The following SYT16 variants were observed in gnomAD, a reference collection of about 807,000 sequenced individuals.
SYT16 encodes synaptotagmin 16.
Under a neutral mutation model 61.4 loss-of-function variants are expected in SYT16, and 42 were observed. The ratio of observed to expected loss-of-function variants is 0.68; its 90% CI spans 0.53 to 0.89. The LOEUF is 0.89. SYT16 is among the 40% of genes least tolerant of loss of function. The probability of loss-of-function intolerance (pLI) is 0.00; values close to 1 mark genes in which losing one functional copy is unlikely to be tolerated. For missense variants in SYT16, 804 were observed against 807.3 expected (o/e 1.00, Z 0.05); for synonymous variants, 314 against 302.3 (o/e 1.04, Z -0.40).
chr14:61,910,808 C>T (rs143238947), intron 1 of SYT16, among the ~76,000 whole-genome samples: 1,748 of 152,266 alleles, frequency 0.011, 43 homozygotes, highest in African/African-American at 0.039. Flanking sequence ...GGATTACAGG[C>T]GTGAGCCACC....
At chr14:61,815,599 G>A (rs1485322443) in intron 1 of SYT16, among the ~76,000 whole-genome samples, 1 of 152,136 alleles carries the variant, frequency 6.6e-6, no homozygotes, top group Non-Finnish European at 1.5e-5. Context: ...AAAGAACATA[G>A]CCAATAGAAA....
chr14:61,900,550 G>A (rs981774334), intron 1 of SYT16, among the ~76,000 whole-genome samples: 1 of 152,178 alleles, frequency 6.6e-6, no homozygotes, highest in Non-Finnish European at 1.5e-5. Context: ...ATCTTTGGTG[G>A]TTTGTAACAG....
rs752147389 is a variant in SYT16 at position 61,958,458 on chromosome 14, G to A, written c.-324-11674G>A. ...GCTTTCCTGAGTCACATATGATTTCGTATGTTGTATTTTTTGTGTCTTGAT... is the reference window on the plus strand; with the variant it reads ...GCTTTCCTGAGTCACATATGATTTCATATGTTGTATTTTTTGTGTCTTGAT... On this transcript the variant is annotated intron_variant, in intron 1 of 7. Transcript: ENST00000683842. 7.9e-5 allele frequency among the ~76,000 whole-genome samples: 12 copies of A among 151,566 alleles called. No homozygotes were observed. In the South Asian group the frequency reaches 8.3e-4, roughly 11 times the overall value.
intron 1 of SYT16, among the ~76,000 whole-genome samples, chr14:61,873,593 T>A (rs1033623524): frequency 2.6e-5 from 4 of 152,338 alleles, no homozygotes; most frequent in East Asian, 1.9e-4. Context: ...GATGCATTTT[T>A]AAAAAATCAT....
In SYT16 at chr14:61,823,067, A is replaced by G. The variant is rs149724458; in HGVS notation, c.-325+10257A>G. Among the ~76,000 whole-genome samples the G allele has an allele frequency of 9.7e-3, 1,470 of 152,228 alleles. 28 individuals are homozygous for G. The highest frequency in any genetic ancestry group is 0.033 in the African/African-American group (1,380 of 41,526). On this transcript the variant is annotated intron_variant, in intron 1 of 7. Coordinates refer to ENST00000683842, the MANE Select transcript of SYT16 (RefSeq NM_001367656.1). ...GAGTGCAGTAGCACGATCTCAGCTC[A>G]CTGCAACCTCTGCCTCCTGGGTTCA...
chr14:62,069,772 G>T lies in SYT16; in HGVS notation c.693G>T (p.Leu231Phe), dbSNP rs1371780886. 1 of 1,613,904 alleles carries T rather than the reference G, an allele frequency of 6.2e-7. No individual in the cohort carries two copies. Among genetic ancestry groups the T allele is most frequent in the Non-Finnish European group, 8.5e-7 (1 of 1,179,904 alleles). Residue 231 changes from leucine to phenylalanine, a missense_variant, in exon 4 of 8, where the codon TTG (leucine) becomes TTT (phenylalanine). Physicochemically the swap from Leu to Phe is conservative, Grantham distance 22. Coordinates refer to ENST00000683842, the MANE Select transcript of SYT16 (RefSeq NM_001367656.1). ...LEQKPKFSRS[L>F]LTHGEDGTEV... ...AGAAACCAAAATTCAGCCGTTCGTT[G>T]TTGACACACGGAGAAGATGGCACAG...
chr14:62,056,430 G>C (rs10147026), intron 3 of SYT16, among the ~76,000 whole-genome samples: 44,215 of 152,088 alleles, frequency 0.29, 9,582 homozygotes, highest in African/African-American at 0.62. Context: ...TAGCATTGTT[G>C]GTTATAAAAG....
chr14:62,051,615 C>T (rs1460926378), intron 3 of SYT16, among the ~76,000 whole-genome samples: 1 of 152,212 alleles, frequency 6.6e-6, no homozygotes, highest in African/African-American at 2.4e-5. Flanking sequence ...CTTGGCTCCA[C>T]CTCCCTGTAT....
chr14:62,100,031 T>G (rs375817442), intron 7 of SYT16, among the ~76,000 whole-genome samples: 1 of 152,176 alleles, frequency 6.6e-6, no homozygotes, highest in Admixed American at 6.5e-5. Context: ...GAGCAAAATG[T>G]GTATATTTAT....
intron 2 of SYT16, among the ~76,000 whole-genome samples, chr14:61,992,043 G>A (rs1188073192): frequency 2.0e-5 from 3 of 152,024 alleles, no homozygotes; most frequent in Non-Finnish European, 4.4e-5. Context: ...CAAAGTATAA[G>A]CACAGCCCTA....
intron 2 of SYT16, among the ~76,000 whole-genome samples, chr14:61,974,415 A>G (rs2051696323): frequency 6.6e-6 from 1 of 152,168 alleles, no homozygotes; most frequent in African/African-American, 2.4e-5. Flanking sequence ...TGCAGTCTTG[A>G]AATCCTTAGT....
chr14:61,860,504 G>GT (rs368561203), intron 1 of SYT16, among the ~76,000 whole-genome samples: 61 of 152,306 alleles, frequency 4.0e-4, no homozygotes, highest in African/African-American at 1.2e-3. Flanking sequence ...GGAGCCCTTG[G>GT]TTACTGACTT....
intron 1 of SYT16, among the ~76,000 whole-genome samples, chr14:61,833,567 G>A (rs1404987032): frequency 6.6e-6 from 1 of 151,748 alleles, no homozygotes; most frequent in Non-Finnish European, 1.5e-5. Flanking sequence ...TTACAGGCGT[G>A]AGCCACCGTG....
At chr14:61,896,667 C>G (rs2048336410) in intron 1 of SYT16, among the ~76,000 whole-genome samples, 1 of 152,188 alleles carries the variant, frequency 6.6e-6, no homozygotes, top group South Asian at 2.1e-4. Flanking sequence ...GCCCATTCAA[C>G]ATAGGCCAGT....
intron 2 of SYT16, among the ~76,000 whole-genome samples, chr14:61,981,369 G>T (rs2052067296): frequency 6.6e-6 from 1 of 152,106 alleles, no homozygotes; most frequent in Non-Finnish European, 1.5e-5. Context: ...TCATCTATCT[G>T]TATTTGTGTT....
At chr14:61,980,009 A>G (rs2052002198) in intron 2 of SYT16, among the ~76,000 whole-genome samples, 1 of 152,232 alleles carries the variant, frequency 6.6e-6, no homozygotes, top group Non-Finnish European at 1.5e-5. Flanking sequence ...TAGAAAACTG[A>G]TATCTTCTAC....
intron 1 of SYT16, among the ~76,000 whole-genome samples, chr14:61,816,504 A>C (rs1483358316): frequency 6.6e-6 from 1 of 152,224 alleles, no homozygotes; most frequent in Non-Finnish European, 1.5e-5. Context: ...GATGCCAACT[A>C]AAAAATATAG....
intron 7 of SYT16, among the ~76,000 whole-genome samples, chr14:62,093,916 C>T (rs2057179245): frequency 6.6e-6 from 1 of 152,002 alleles, no homozygotes; most frequent in Non-Finnish European, 1.5e-5. Context: ...GCATTACAGT[C>T]CAAAGTAGTT....
intron 3 of SYT16, among the ~76,000 whole-genome samples, chr14:62,052,182 T>A (rs2055334545): frequency 6.6e-6 from 1 of 152,218 alleles, no homozygotes; most frequent in Admixed American, 6.5e-5. Flanking sequence ...AATCTTTTTT[T>A]GCTTTCTAAT....
Sources: allele counts gnomAD v4.1 joint callset (sites outside exome capture counted in the v4.1 genomes callset), GRCh38; gene constraint gnomAD v4.1.1; transcripts MANE v1.5; gene names NCBI Gene and HGNC (gene_info 2026-07-23, HGNC 2026-07-21).